MYLK: variants seen among roughly 807,000 people sequenced by gnomAD.
The protein encoded by MYLK is myosin light chain kinase, smooth muscle.
Under a neutral mutation model 203.4 loss-of-function variants are expected in MYLK, and 106 were observed. The ratio of observed to expected loss-of-function variants is 0.52; its 90% confidence interval spans 0.45 to 0.61. MYLK has a LOEUF of 0.61. MYLK is among the 20% of genes least tolerant of loss of function. MYLK has a pLI of 0.00. For synonymous variants in MYLK, 867 were observed against 959.5 expected (o/e 0.90, Z 1.78); for missense variants, 2,072 against 2,442.3 (o/e 0.85, Z 3.20).
In MYLK at chr3:123,700,139, G is replaced by A. The variant is rs1262789998; in HGVS notation, c.3329C>T (p.Ala1110Val). Residue 1110 changes from alanine (A) to valine (V), a missense_variant, in exon 18 of 34, where the codon GCA becomes GTA. Ala to Val is a moderately conservative substitution (Grantham distance 64, BLOSUM62 0). This residue lies in a region of MYLK where 865 missense variants were observed against 1,016.0 expected (regional missense o/e 0.85). Coordinates refer to ENST00000360304, the MANE Select transcript of MYLK (RefSeq NM_053025.4). Reference sequence around the variant, plus strand: ...CTGGAGCAGCAGCTTCTTGCCCTCTGCCACATGAACATCTTGCAGCTTCTG... The same window carrying A: ...CTGGAGCAGCAGCTTCTTGCCCTCTACCACATGAACATCTTGCAGCTTCTG... ...FKQKLQDVHV[A>V]EGKKLLLQCQ... The A allele has an allele frequency of 6.2e-7, 1 of 1,613,902 alleles. No individual in the cohort carries two copies. The highest frequency in any genetic ancestry group is 2.2e-5 in the East Asian group (1 of 44,838).
chr3:123,651,947 G>C (rs774311306), intron 24 of MYLK, among the ~76,000 whole-genome samples: 1 of 152,200 alleles, frequency 6.6e-6, no homozygotes, highest in Non-Finnish European at 1.5e-5. Flanking sequence ...AGGAAACTCG[G>C]ATCAAGAGTC....
At chr3:123,718,381 G>T (rs528717504) in intron 13 of MYLK, among the ~76,000 whole-genome samples, 1 of 152,300 alleles carries the variant, frequency 6.6e-6, no homozygotes, top group Non-Finnish European at 1.5e-5. Context: ...AGCTTACAGT[G>T]TGGAGAGGAA....
chr3:123,862,053 C>T (rs571329766), intron 2 of MYLK, among the ~76,000 whole-genome samples: 22 of 152,338 alleles, frequency 1.4e-4, no homozygotes, highest in Admixed American at 6.5e-4. Context: ...CATTGGAATC[C>T]GAGCCAGCAG....
chr3:123,785,422 C>A (rs1350763646), intron 4 of MYLK, among the ~76,000 whole-genome samples: 3 of 152,202 alleles, frequency 2.0e-5, no homozygotes, highest in Non-Finnish European at 4.4e-5. Flanking sequence ...CCTGGGCTAC[C>A]AGCCACGTGG....
intron 33 of MYLK, chr3:123,616,250 C>T (rs912548995): frequency 8.6e-5 from 13 of 151,990 alleles, no homozygotes; most frequent in Non-Finnish European, 1.5e-4. Context: ...AGGTAATTTG[C>T]CTATGGACAA....
chr3:123,688,914 T>C (rs1386731930), intron 19 of MYLK, among the ~76,000 whole-genome samples: 1 of 152,188 alleles, frequency 6.6e-6, no homozygotes, highest in East Asian at 1.9e-4. Context: ...TGACATTACC[T>C]GAGGATATGA....
At chr3:123,787,782 T>C (rs996114399) in intron 4 of MYLK, among the ~76,000 whole-genome samples, 6 of 152,174 alleles carry the variant, frequency 3.9e-5, no homozygotes, top group African/African-American at 1.2e-4. Context: ...CAATAAGCCA[T>C]TAACAAATAT....
In MYLK at chr3:123,629,461, C is replaced by G; in HGVS notation, c.5114+13G>C. 3 of 1,614,150 alleles carry G rather than the reference C, an allele frequency of 1.9e-6. No individual in the cohort carries two copies. The highest frequency in any genetic ancestry group is 2.5e-6 in the Non-Finnish European group (3 of 1,180,008). On this transcript the variant is annotated intron_variant, in intron 30 of 33. Transcript: ENST00000360304. The surrounding 1 kb of genome is among the most constrained non-coding windows in gnomAD (Gnocchi z 4.4). The stretch of plus-strand genomic sequence containing the variant: ...GGAGTAGGGAAGCAAAGACTGAAAT[C>G]CCAACTCATTACTTCATATCTTTCT...
At chr3:123,843,665 G>A (rs143686635) in intron 2 of MYLK, among the ~76,000 whole-genome samples, 101 of 152,182 alleles carry the variant, frequency 6.6e-4, no homozygotes, top group African/African-American at 2.3e-3. Flanking sequence ...TCCAAAGGCC[G>A]TATCAGTCCA....
intron 20 of MYLK, among the ~76,000 whole-genome samples, chr3:123,680,281 G>A (rs979819589): frequency 2.0e-5 from 3 of 152,126 alleles, no homozygotes; most frequent in Non-Finnish European, 2.9e-5. Context: ...CTCCTCAGGG[G>A]CTCACTGGAG....
chr3:123,694,007 C>T (rs979863511), intron 18 of MYLK, among the ~76,000 whole-genome samples: 3 of 152,194 alleles, frequency 2.0e-5, no homozygotes, highest in Non-Finnish European at 2.9e-5. Context: ...TGAGTGGACA[C>T]CAACTACTGT....
chr3:123,860,338 G>A (rs1420861520), intron 2 of MYLK, among the ~76,000 whole-genome samples: 1 of 152,208 alleles, frequency 6.6e-6, no homozygotes, highest in East Asian at 1.9e-4. Flanking sequence ...GGGGTGGACA[G>A]CTGGCTGCTC....
chr3:123,679,443 A>G (rs2108436927), intron 20 of MYLK, among the ~76,000 whole-genome samples: 1 of 152,220 alleles, frequency 6.6e-6, no homozygotes, highest in South Asian at 2.1e-4. Flanking sequence ...AGGCTTCTGA[A>G]GGACAAGAGT....
chr3:123,775,635 T>C (rs142877004), intron 4 of MYLK, among the ~76,000 whole-genome samples: 1 of 152,176 alleles, frequency 6.6e-6, no homozygotes. Context: ...AATAAGAATA[T>C]GAGTTCAATG....
chr3:123,875,952 T>C (rs997221951), intron 2 of MYLK, among the ~76,000 whole-genome samples: 5 of 152,310 alleles, frequency 3.3e-5, no homozygotes, highest in African/African-American at 7.2e-5. Context: ...ATATTACTTA[T>C]AGAAAAGCTA....
intron 3 of MYLK, among the ~76,000 whole-genome samples, chr3:123,828,649 A>G (rs992511280): frequency 3.9e-5 from 6 of 152,196 alleles, no homozygotes; most frequent in Non-Finnish European, 5.9e-5. Context: ...AAGGGAAGCA[A>G]ATAAAACAAA....
At position 123,629,065 on chromosome 3, in the gene MYLK, C is replaced by T. The variant is rs931117353; in HGVS notation, c.5114+409G>A. Among the ~76,000 whole-genome samples the T allele has an allele frequency of 2.6e-5, 4 of 152,178 alleles. No homozygotes were observed. Among genetic ancestry groups the T allele is most frequent in the Admixed American group, 6.5e-5 (1 of 15,280 alleles). On this transcript the variant is annotated intron_variant, in intron 30 of 33. Coordinates refer to ENST00000360304, the MANE Select transcript of MYLK (RefSeq NM_053025.4). This position sits in a 1 kb window ranked among gnomAD's most constrained non-coding sequence, Gnocchi z 4.4. ...ACCCACAGAGAAGTTCTAAGATGCC[C>T]GTGTCCTCTGCTCTTGCTTGTTGAG...
At chr3:123,758,321 C>T (rs2063425241) in intron 4 of MYLK, among the ~76,000 whole-genome samples, 1 of 152,224 alleles carries the variant, frequency 6.6e-6, no homozygotes, top group Non-Finnish European at 1.5e-5. Flanking sequence ...AGGAAGAGAC[C>T]ATACCAACTA....
At chr3:123,692,178 G>A (rs1029054932) in intron 19 of MYLK, 16 of 406,292 alleles carry the variant, frequency 3.9e-5, no homozygotes, top group African/African-American at 3.0e-4. Flanking sequence ...CTTTCTCCCC[G>A]ATGTGTCCTC....
Sources: allele counts gnomAD v4.1 joint callset (sites outside exome capture counted in the v4.1 genomes callset), GRCh38; gene constraint gnomAD v4.1.1; regional missense constraint gnomAD v4.1.1; non-coding constraint Gnocchi (gnomAD v3.1); transcripts MANE v1.5; gene names NCBI Gene and HGNC (gene_info 2026-07-23, HGNC 2026-07-21).